PCDHA2: variants seen among roughly 807,000 people sequenced by gnomAD.
PCDHA2 encodes the protein protocadherin alpha-2.
PCDHA2 carries 58 observed loss-of-function variants against 66.0 expected under a neutral mutation model. That is an observed-to-expected ratio of 0.88 (90% confidence interval 0.71 to 1.09). The LOEUF is 1.09. Among genes scored for constraint, PCDHA2 ranks in the 50% least tolerant of loss-of-function variants. The pLI, the probability that PCDHA2 is intolerant of heterozygous loss-of-function variation, is 0.00. For synonymous variants in PCDHA2, 634 were observed against 554.0 expected, an observed-to-expected ratio of 1.14 and a Z score of -2.03; for missense variants, 1,267 against 1,242.3, an observed-to-expected ratio of 1.02 and a Z score of -0.30.
intron 1 of PCDHA2, chr5:140,802,628 G>T: frequency 6.2e-7 from 1 of 1,613,956 alleles, no homozygotes; most frequent in East Asian, 2.2e-5. Flanking sequence ...TCTTCACGGT[G>T]TCTGCGCGGG....
rs565095262 is a variant in PCDHA2, at chr5:140,873,057, T to C, written c.2388+75705T>C. 8.5e-4 allele frequency among the ~76,000 whole-genome samples: 129 copies of C among 152,336 alleles called. 1 individual carries two copies. Among genetic ancestry groups the C allele is most frequent in the Middle Eastern group, 3.4e-3 (1 of 294 alleles). ...TAGAGTGGTGGTATTACAGACTTTC[T>C]TGAGAATCATATCTAGCTATTTCCC... On this transcript the variant is annotated intron_variant, in intron 1 of 3. Transcript: ENST00000526136.
At chr5:140,981,643 G>A (rs998815671) in intron 2 of PCDHA2, among the ~76,000 whole-genome samples, 3 of 151,992 alleles carry the variant, frequency 2.0e-5, no homozygotes, top group African/African-American at 7.3e-5. Context: ...TTTTCTCTTA[G>A]GATCCCACTT....
intron 1 of PCDHA2, chr5:140,871,648 T>G: frequency 7.8e-7 from 1 of 1,275,766 alleles, no homozygotes. Context: ...AAATACCAAA[T>G]GATACACATC....
At chr5:140,861,347 G>C (rs2046872625) in intron 1 of PCDHA2, 2 of 297,216 alleles carry the variant, frequency 6.7e-6, no homozygotes, top group Non-Finnish European at 6.8e-6. Context: ...GGCCAAGGAC[G>C]GCACATAGCG....
rs199848124 is a variant in PCDHA2 at position 140,875,823 on chromosome 5, C to T, written c.2388+78471C>T. 3,681 of 1,614,172 alleles carry T rather than the reference C, an allele frequency of 2.3e-3. 15 individuals carry two copies. Among genetic ancestry groups the T allele is most frequent in the Middle Eastern group, 9.6e-3 (58 of 6,062 alleles). The stretch of plus-strand genomic sequence containing the variant: ...TCGTGGACAGGCCGCTGCAGGTTTT[C>T]CATGTGGACGTGGAGGTGAAGGACA... On this transcript the variant is annotated intron_variant, in intron 1 of 3. Transcript: ENST00000526136.
chr5:140,872,606 A>T (rs905903091), intron 1 of PCDHA2, among the ~76,000 whole-genome samples: 4 of 151,888 alleles, frequency 2.6e-5, no homozygotes, highest in Non-Finnish European at 4.4e-5. Context: ...TGAAAAAATA[A>T]TTTTTTTTGC....
At chr5:140,799,020 T>C (rs1762387040) in intron 1 of PCDHA2, among the ~76,000 whole-genome samples, 1 of 152,194 alleles carries the variant, frequency 6.6e-6, no homozygotes, top group African/African-American at 2.4e-5. Flanking sequence ...GTTTCTACCA[T>C]AGGTAAATGA....
chr5:140,880,614 GGGA>G (rs2058396473), intron 1 of PCDHA2, among the ~76,000 whole-genome samples: 1 of 152,182 alleles, frequency 6.6e-6, no homozygotes, highest in South Asian at 2.1e-4. Context: ...GTAAGCAAGA[GGGA>G]GGAGTTAATT....
intron 1 of PCDHA2, chr5:140,867,266 A>G (rs553827522): frequency 2.6e-5 from 4 of 152,196 alleles, no homozygotes; most frequent in African/African-American, 9.6e-5. Flanking sequence ...CTTTTGTTCA[A>G]AATAAACCTG....
intron 1 of PCDHA2, among the ~76,000 whole-genome samples, chr5:140,953,945 C>T (rs189219030): frequency 8.5e-5 from 13 of 152,154 alleles, no homozygotes; most frequent in African/African-American, 3.1e-4. Flanking sequence ...TCCCATTGCT[C>T]CCCCAACAGG....
chr5:140,801,908 C>T (rs1554121759), intron 1 of PCDHA2: 2 of 1,614,202 alleles, frequency 1.2e-6, no homozygotes, highest in Non-Finnish European at 8.5e-7. Context: ...ATGTAAACGA[C>T]AACGCCCCAG....
intron 3 of PCDHA2, among the ~76,000 whole-genome samples, chr5:140,987,698 A>T (rs1213489735): frequency 6.6e-6 from 1 of 152,142 alleles, no homozygotes; most frequent in African/African-American, 2.4e-5. Flanking sequence ...TTTTTAAATG[A>T]TTTTTCCAGG....
intron 2 of PCDHA2, among the ~76,000 whole-genome samples, chr5:140,981,682 C>T (rs2096944253): frequency 6.6e-6 from 1 of 151,668 alleles, no homozygotes; most frequent in South Asian, 2.1e-4. Flanking sequence ...TCCTTCCTCC[C>T]TTCCATCATT....
At chr5:140,968,947 C>T (rs1342316299) in intron 1 of PCDHA2, 6 of 1,614,042 alleles carry the variant, frequency 3.7e-6, no homozygotes, top group Non-Finnish European at 5.1e-6. Context: ...TCATTTTGAG[C>T]ATCATCAAGT....
intron 1 of PCDHA2, chr5:140,849,371 G>C: frequency 6.7e-7 from 1 of 1,495,460 alleles, no homozygotes. Flanking sequence ...TAAAATCCAA[G>C]TTCCACATGG....
chr5:140,822,942 G>A, intron 1 of PCDHA2: 2 of 1,614,212 alleles, frequency 1.2e-6, no homozygotes, highest in African/African-American at 1.3e-5. Context: ...GCTCCCTAAT[G>A]CCCCACGTTC....
intron 1 of PCDHA2, chr5:140,843,463 G>A: frequency 1.9e-6 from 3 of 1,596,032 alleles, no homozygotes; most frequent in Non-Finnish European, 2.6e-6. Flanking sequence ...TGGTGCTCAC[G>A]CTGCTGCTGT....
chr5:140,806,923 A>T, intron 1 of PCDHA2: 1 of 511,650 alleles, frequency 2.0e-6, no homozygotes, highest in Non-Finnish European at 3.4e-6. Context: ...TAATAAATAA[A>T]ACCAAGTAGT....
intron 1 of PCDHA2, chr5:140,842,749 G>T (rs2150343608): frequency 5.6e-6 from 9 of 1,594,902 alleles, no homozygotes; most frequent in African/African-American, 5.4e-5. Flanking sequence ...ACATCTTCAC[G>T]GTGTCTGCGC....
Sources: gnomAD v4.1 joint callset for allele counts (sites outside exome capture counted in the v4.1 genomes callset) on GRCh38, gnomAD v4.1.1 for gene constraint, MANE v1.5 for transcripts, NCBI Gene and HGNC (gene_info 2026-07-23, HGNC 2026-07-21) for gene names.